The following CDKL3 variants were observed in gnomAD, a reference collection of about 807,000 sequenced individuals.
CDKL3 encodes the protein cyclin-dependent kinase-like 3.
In CDKL3, 65 loss-of-function variants were observed where a neutral mutation model predicts 69.3. The observed-to-expected ratio is 0.94, with a 90% confidence interval of 0.77 to 1.15. The LOEUF (loss-of-function observed/expected upper bound fraction) is 1.15, where lower values mean the gene tolerates loss of function less well. CDKL3 is among the 50% of genes most tolerant of loss of function. The pLI is 0.00. For synonymous variants in CDKL3, 202 were observed against 221.6 expected (o/e 0.91, Z 0.79); for missense variants, 652 against 689.2 (o/e 0.95, Z 0.61).
intron 4 of CDKL3, among the ~76,000 whole-genome samples, chr5:134,349,803 T>G (rs1428295971): frequency 4.6e-5 from 7 of 152,126 alleles, no homozygotes; most frequent in Admixed American, 2.0e-4. Context: ...TTTAAAGGTG[T>G]CCCTCTTCTT....
intron 2 of CDKL3, among the ~76,000 whole-genome samples, chr5:134,363,456 GC>G (rs749020194): frequency 2.1e-5 from 3 of 141,990 alleles, no homozygotes; most frequent in African/African-American, 8.0e-5. Context: ...ACCATGGCCG[GC>G]TTTTTTTTTT....
chr5:134,289,223 AG>A (rs1483727728), intron 8 of CDKL3, among the ~76,000 whole-genome samples: 1 of 151,702 alleles, frequency 6.6e-6, no homozygotes, highest in African/African-American at 2.4e-5. Context: ...AGGAGTTTGC[AG>A]GTACACTTTC....
At chr5:134,318,587 G>A (rs1228422564) in intron 6 of CDKL3, among the ~76,000 whole-genome samples, 1 of 152,118 alleles carries the variant, frequency 6.6e-6, no homozygotes, top group Non-Finnish European at 1.5e-5. Flanking sequence ...CCAGGTTCAA[G>A]TAATTCTCCT....
At chr5:134,298,746 C>T (rs1475540703) in intron 12 of CDKL3, 36 bp from the exon 13 acceptor site, 1 of 1,597,764 alleles carries the variant, frequency 6.3e-7, no homozygotes, top group Admixed American at 1.8e-5. Context: ...GAATCAGGGA[C>T]TGGAATGTAA....
chr5:134,325,531 AAC>A (rs538001765), intron 4 of CDKL3, among the ~76,000 whole-genome samples: 543 of 152,298 alleles, frequency 3.6e-3, no homozygotes, highest in African/African-American at 0.011. Context: ...GTTATTTAAT[AAC>A]AGTTTTCCAG....
At position 134,321,919 on chromosome 5, in the gene CDKL3, G is replaced by GA. The variant is rs34094285; in HGVS notation, c.540-17dup. ...ATCCACAGGTCTGAAACAGATCAGG[G>GA]AAAAAAAAATCACTTTTTCATGTAG... On this transcript the variant is annotated splice_polypyrimidine_tract_variant and intron_variant, in intron 4 of 12. Transcript: ENST00000265334. 526,672 of 1,220,034 alleles carry GA rather than the reference G, an allele frequency of 0.43. 119,954 individuals carry two copies. The highest frequency in any genetic ancestry group is 0.48 in the Non-Finnish European group (407,682 of 849,658). The allele number at this position is 1,220,034 out of a possible 1,614,324, so 75.6% of individuals were successfully genotyped here.
chr5:134,291,834 C>T (rs190596006), intron 8 of CDKL3, among the ~76,000 whole-genome samples: 2 of 151,032 alleles, frequency 1.3e-5, no homozygotes, highest in East Asian at 3.9e-4. Context: ...TGGAGTAACA[C>T]GTATCAGCTT....
intron 11 of CDKL3, 23 bp from the exon 12 acceptor site, chr5:134,302,710 A>C: frequency 7.8e-7 from 1 of 1,280,608 alleles, no homozygotes; most frequent in Non-Finnish European, 1.1e-6. Flanking sequence ...TATACAAAAC[A>C]ATGAAAATTT....
At chr5:134,326,647 T>A (rs949377011) in intron 4 of CDKL3, among the ~76,000 whole-genome samples, 9 of 147,012 alleles carry the variant, frequency 6.1e-5, no homozygotes, top group Non-Finnish European at 1.1e-4. Context: ...AACTAGTAAA[T>A]TTTTTTTTTT....
At chr5:134,329,430 C>T (rs10061825) in intron 4 of CDKL3, among the ~76,000 whole-genome samples, 29,389 of 151,792 alleles carry the variant, frequency 0.19, 4,395 homozygotes, top group African/African-American at 0.41. Context: ...AATTTTCTCT[C>T]TTCTTCTGTT....
At position 134,308,130 on chromosome 5, in the gene CDKL3, C is replaced by T. The variant is rs1307646844; in HGVS notation, c.1364+8G>A. The stretch of plus-strand genomic sequence containing the variant: ...TATTATTTAGGTTTCTTCTCTGTTA[C>T]AGCTCACCTCACACTGGGGTGAAAG... On this transcript the variant is annotated splice_region_variant and intron_variant, in intron 9 of 12. Transcript: ENST00000265334. 3 of 1,604,806 alleles carry T rather than the reference C, an allele frequency of 1.9e-6. No individual in the cohort carries two copies. Among genetic ancestry groups the T allele is most frequent in the Non-Finnish European group, 2.6e-6 (3 of 1,174,368 alleles).
chr5:134,297,552 T>C (rs1765420060), downstream of CDKL3, among the ~76,000 whole-genome samples: 2 of 152,032 alleles, frequency 1.3e-5, no homozygotes, highest in Admixed American at 1.3e-4. Flanking sequence ...AACCATGTAA[T>C]GTAATGAATA....
At chr5:134,312,116 G>A (rs980601068) in intron 7 of CDKL3, among the ~76,000 whole-genome samples, 176 bp downstream of exon 7, 9 of 152,056 alleles carry the variant, frequency 5.9e-5, no homozygotes, top group African/African-American at 1.7e-4. Flanking sequence ...CTTTTCATTC[G>A]TGACACTTGT....
intron 3 of CDKL3, among the ~76,000 whole-genome samples, chr5:134,359,048 G>A (rs1755322360): frequency 6.6e-6 from 1 of 152,102 alleles, no homozygotes; most frequent in African/African-American, 2.4e-5. Flanking sequence ...CATTTTGGGA[G>A]GCTGAGGCGG....
At chr5:134,326,339 A>G (rs1486687428) in intron 4 of CDKL3, among the ~76,000 whole-genome samples, 1 of 152,106 alleles carries the variant, frequency 6.6e-6, no homozygotes, top group African/African-American at 2.4e-5. Context: ...GGGATCCCCT[A>G]TTTTCTGAAA....
Position 134,338,319 on chromosome 5 carries a change from G to C in CDKL3, c.539+11930C>G, listed in dbSNP as rs1392502377. On this transcript the variant is annotated intron_variant, in intron 4 of 12. Coordinates refer to ENST00000265334, the MANE Select transcript of CDKL3 (RefSeq NM_001113575.2). Reference sequence around the variant, plus strand: ...CACTGGAATTAAACTAGTATAAATAGGAACTTATCAGTTGATTCTGATAAG... The same window carrying C: ...CACTGGAATTAAACTAGTATAAATACGAACTTATCAGTTGATTCTGATAAG... Among the ~76,000 whole-genome samples, 3 of 151,994 alleles carry C rather than the reference G, an allele frequency of 2.0e-5. No individual in the cohort carries two copies. The East Asian group carries it at 5.8e-4, about 29-fold the overall frequency.
At chr5:134,299,711 G>A (rs1346516305) in intron 12 of CDKL3, 43 of 1,534,340 alleles carry the variant, frequency 2.8e-5, no homozygotes, top group Non-Finnish European at 3.3e-5. Flanking sequence ...TCTACATCTG[G>A]CAAGTTCTTC....
chr5:134,346,560 G>A (rs939537184), intron 4 of CDKL3, among the ~76,000 whole-genome samples: 2 of 152,074 alleles, frequency 1.3e-5, no homozygotes, highest in African/African-American at 2.4e-5. Flanking sequence ...GCTGCGGTGC[G>A]ATCTCGGCTC....
At chr5:134,315,463 C>T (rs532766601) in intron 6 of CDKL3, among the ~76,000 whole-genome samples, 7 of 152,176 alleles carry the variant, frequency 4.6e-5, no homozygotes, top group African/African-American at 1.7e-4. Flanking sequence ...TCCCAAATAG[C>T]TAGGACTACA....
Sources: gnomAD v4.1 joint callset for allele counts (sites outside exome capture counted in the v4.1 genomes callset) on GRCh38, gnomAD v4.1.1 for gene constraint, MANE v1.5 for transcripts, NCBI Gene and HGNC (gene_info 2026-07-23, HGNC 2026-07-21) for gene names.